TMC1: variants seen among roughly 807,000 people sequenced by gnomAD.
The protein encoded by TMC1 is transmembrane channel-like protein 1.
Under a neutral mutation model 105.8 loss-of-function variants are expected in TMC1, and 84 were observed. The observed-to-expected ratio is 0.79, with a 90% CI of 0.67 to 0.95. The LOEUF (loss-of-function observed/expected upper bound fraction) is 0.95. Ranked by LOEUF, TMC1 falls within the 40% of genes least tolerant of loss-of-function variation. The pLI, the probability that TMC1 is intolerant of heterozygous loss-of-function variation, is 0.00. For missense variants in TMC1, 817 were observed against 914.1 expected, an observed-to-expected ratio of 0.89 and a Z score of 1.37; for synonymous variants, 315 against 311.5, an observed-to-expected ratio of 1.01 and a Z score of -0.12.
chr9:72,792,707 G>A (rs566327714), intron 17 of TMC1, among the ~76,000 whole-genome samples: 10 of 152,156 alleles, frequency 6.6e-5, no homozygotes, highest in Admixed American at 5.9e-4. Context: ...CTTGTTTGCT[G>A]TAAAACAAAA....
intron 4 of TMC1, among the ~76,000 whole-genome samples, chr9:72,647,985 T>C (rs146266887): frequency 3.2e-4 from 49 of 152,210 alleles, no homozygotes; most frequent in African/African-American, 1.1e-3. Context: ...GAAGTTTCAA[T>C]AGAAAGAAAA....
intron 13 of TMC1, among the ~76,000 whole-genome samples, chr9:72,779,065 A>T (rs935425278): frequency 1.3e-5 from 2 of 152,156 alleles, no homozygotes; most frequent in Non-Finnish European, 2.9e-5. Context: ...AACAGACTGG[A>T]AACACCTCAG....
intron 5 of TMC1, among the ~76,000 whole-genome samples, chr9:72,650,602 C>T (rs1825787114): frequency 2.0e-5 from 3 of 151,906 alleles, no homozygotes; most frequent in Middle Eastern, 3.4e-3. Flanking sequence ...CACCCAGGTA[C>T]CTATGTCCAG....
Position 72,719,061 on chromosome 9 carries a change from C to T in TMC1, c.362+18418C>T, listed in dbSNP as rs566607374. ...ATTCCCACTGTGCCCCCTCCAACAG[C>T]ACTGAGATTGTTTTCAGGCAGTGGG... On this transcript the variant is annotated intron_variant, in intron 8 of 23. Coordinates refer to ENST00000297784, the MANE Select transcript of TMC1 (RefSeq NM_138691.3). Among the ~76,000 whole-genome samples the T allele has an allele frequency of 5.9e-5, 9 of 152,314 alleles. No individual in the cohort carries two copies. The East Asian group carries it at 1.5e-3, about 26-fold the overall frequency.
chr9:72,826,738 C>A, intron 20 of TMC1, 131 bp from the exon 21 acceptor site: 2 of 949,842 alleles, frequency 2.1e-6, no homozygotes, highest in Non-Finnish European at 3.4e-6. Context: ...CAAGTTGTAG[C>A]TAAACATCAG....
intron 2 of TMC1, among the ~76,000 whole-genome samples, chr9:72,591,493 A>G (rs1400364967): frequency 1.3e-5 from 2 of 152,216 alleles, no homozygotes; most frequent in African/African-American, 4.8e-5. Flanking sequence ...GAAGTGATGG[A>G]ATAGGTTCAT....
At chr9:72,623,724 A>C (rs1308390742) in intron 3 of TMC1, among the ~76,000 whole-genome samples, 1 of 152,134 alleles carries the variant, frequency 6.6e-6, no homozygotes, top group Non-Finnish European at 1.5e-5. Context: ...GTAATTTCCC[A>C]GGCCCACAAC....
In TMC1 at chr9:72,785,888, C is replaced by T. The variant is rs557777839; in HGVS notation, c.885-2451C>T. ...AACTAGTCCACATGTTGTTTAGTAT[C>T]GCTATTACAGTAATTTTCTTTTTCT... On this transcript the variant is annotated intron_variant, in intron 13 of 23. Transcript: ENST00000297784. 2.4e-4 allele frequency among the ~76,000 whole-genome samples: 36 copies of T among 152,294 alleles called. No homozygotes were observed. The East Asian group carries it at 5.8e-3, about 24-fold the overall frequency.
intron 10 of TMC1, among the ~76,000 whole-genome samples, chr9:72,743,033 C>A (rs1443963613): frequency 6.6e-6 from 1 of 151,962 alleles, no homozygotes; most frequent in Non-Finnish European, 1.5e-5. Flanking sequence ...GTCAGGAGTT[C>A]GAGACCAGCC....
In TMC1 at chr9:72,639,216, T is replaced by A. The variant is rs1188101402; in HGVS notation, c.-52-9381T>A. Among the ~76,000 whole-genome samples, 10 of 152,340 alleles carry A rather than the reference T, an allele frequency of 6.6e-5. No homozygotes were observed. The East Asian group carries it at 1.7e-3, about 26-fold the overall frequency. ...GGCCGAGAAGCGATGCTGGTGATAT[T>A]CTAATGTACTATAACTTATTCTAAT... On this transcript the variant is annotated intron_variant, in intron 4 of 23. Transcript: ENST00000297784.
At chr9:72,734,597 C>A (rs1331873159) in intron 8 of TMC1, among the ~76,000 whole-genome samples, 5 of 152,068 alleles carry the variant, frequency 3.3e-5, no homozygotes, top group African/African-American at 1.2e-4. Flanking sequence ...TAGCTTCTTA[C>A]CTCTGTAACT....
At chr9:72,777,970 TGG>T (rs2118144784) in intron 13 of TMC1, among the ~76,000 whole-genome samples, 1 of 152,374 alleles carries the variant, frequency 6.6e-6, no homozygotes, top group South Asian at 2.1e-4. Flanking sequence ...TTACTATTTG[TGG>T]AACACCTAGA....
intron 1 of TMC1, among the ~76,000 whole-genome samples, chr9:72,548,443 G>A (rs749628736): frequency 4.0e-5 from 6 of 151,800 alleles, no homozygotes; most frequent in Non-Finnish European, 5.9e-5. Flanking sequence ...ATGGTCAGGC[G>A]CACGCCTGTA....
At chr9:72,778,653 G>T (rs192866780) in intron 13 of TMC1, among the ~76,000 whole-genome samples, 1 of 152,292 alleles carries the variant, frequency 6.6e-6, no homozygotes, top group East Asian at 1.9e-4. Context: ...GCCCCTGTAG[G>T]CTTTGGCCTT....
At chr9:72,588,174 T>C (rs1339839793) in intron 2 of TMC1, among the ~76,000 whole-genome samples, 1 of 152,114 alleles carries the variant, frequency 6.6e-6, no homozygotes, top group Non-Finnish European at 1.5e-5. Context: ...CTGATGGTAA[T>C]GGTGGTTGTA....
chr9:72,524,976 C>T (rs1280173060), intron 1 of TMC1, among the ~76,000 whole-genome samples: 1 of 152,128 alleles, frequency 6.6e-6, no homozygotes, highest in Non-Finnish European at 1.5e-5. Context: ...ACCTGCACAG[C>T]CCAAGCCTGG....
intron 8 of TMC1, among the ~76,000 whole-genome samples, chr9:72,702,201 G>A (rs1311341849): frequency 6.6e-6 from 1 of 152,068 alleles, no homozygotes; most frequent in Non-Finnish European, 1.5e-5. Context: ...GTTTAAAATT[G>A]GAGCAATATT....
chr9:72,821,154 T>C, intron 20 of TMC1, 73 bp downstream of exon 20: 1 of 1,603,246 alleles, frequency 6.2e-7, no homozygotes, highest in Non-Finnish European at 8.5e-7. Context: ...TCATTCATTG[T>C]ATAAGCTATT....
intron 8 of TMC1, among the ~76,000 whole-genome samples, chr9:72,706,669 T>G (rs550957783): frequency 6.6e-6 from 1 of 152,244 alleles, no homozygotes; most frequent in African/African-American, 2.4e-5. Context: ...TGAGAACATA[T>G]GATATTTGGT....
Sources: allele counts gnomAD v4.1 joint callset (sites outside exome capture counted in the v4.1 genomes callset), GRCh38; gene constraint gnomAD v4.1.1; transcripts MANE v1.5; gene names NCBI Gene and HGNC (gene_info 2026-07-23, HGNC 2026-07-21).